ANK1: variants seen among roughly 807,000 people sequenced by gnomAD.
ANK1 encodes the protein ankyrin 1, also known as ankyrin-1.
In ANK1, 51 loss-of-function variants were observed where a neutral mutation model predicts 210.4. The observed-to-expected ratio is 0.24, with a 90% CI of 0.19 to 0.31. The LOEUF is 0.31. Ranked by LOEUF, ANK1 falls within the 10% of genes least tolerant of loss-of-function variation. ANK1 has a pLI of 1.00. For missense variants in ANK1, 2,051 were observed against 2,504.4 expected, an observed-to-expected ratio of 0.82 and a Z score of 3.86; for synonymous variants, 967 against 1,025.9, an observed-to-expected ratio of 0.94 and a Z score of 1.10.
chr8:41,688,077 C>A (rs1563423790), intron 35 of ANK1, 79 bp downstream of exon 35: 2 of 1,476,538 alleles, frequency 1.4e-6, no homozygotes. Context: ...GTTAGAAATG[C>A]CTCATTCATT....
intron 8 of ANK1, 124 bp downstream of exon 8, chr8:41,723,411 A>G: frequency 8.1e-7 from 1 of 1,227,330 alleles, no homozygotes; most frequent in Non-Finnish European, 1.2e-6. Flanking sequence ...ATACTGCTGC[A>G]GGCGGCTCCG....
At chr8:41,835,796 C>T (rs1807575567) in intron 1 of ANK1, among the ~76,000 whole-genome samples, 1 of 152,242 alleles carries the variant, frequency 6.6e-6, no homozygotes, top group Non-Finnish European at 1.5e-5. Flanking sequence ...AAGTGTGCTG[C>T]CTCCCAGCCT....
At chr8:41,786,428 C>T (rs1846415054) in intron 1 of ANK1, among the ~76,000 whole-genome samples, 1 of 152,312 alleles carries the variant, frequency 6.6e-6, no homozygotes, top group South Asian at 2.1e-4. Context: ...TAGATGCAAA[C>T]AAGTAAAGCA....
At position 41,764,242 on chromosome 8, in the gene ANK1, A is replaced by C. The variant is rs142605203; in HGVS notation, c.28-6105T>G. Among the ~76,000 whole-genome samples, 312 of 152,266 alleles carry C rather than the reference A, an allele frequency of 2.0e-3. 4 individuals carry two copies. The Middle Eastern group carries it at 0.024, about 12-fold the overall frequency. The stretch of plus-strand genomic sequence containing the variant: ...AGGGGCCAGGCAATATTTCAGCTAC[A>C]GAGCAAATGGCCCTTGTTGGGATAT... On this transcript the variant is annotated intron_variant, in intron 1 of 42. Coordinates refer to ENST00000289734, the MANE Select transcript of ANK1 (RefSeq NM_000037.4).
chr8:41,658,950 C>T (rs1356018288), intron 42 of ANK1, among the ~76,000 whole-genome samples: 2 of 151,942 alleles, frequency 1.3e-5, no homozygotes, highest in African/African-American at 2.4e-5. Flanking sequence ...GCTGTGAACA[C>T]GGAATTAGCA....
chr8:41,832,969 A>G (rs1395304046), intron 1 of ANK1, among the ~76,000 whole-genome samples: 1 of 152,164 alleles, frequency 6.6e-6, no homozygotes, highest in Non-Finnish European at 1.5e-5. Context: ...CTGTTAGCCA[A>G]ACTCTCAAGA....
chr8:41,723,523 G>A lies in ANK1; in HGVS notation c.810+12C>T, dbSNP rs1829842717. On this transcript the variant is annotated intron_variant, in intron 8 of 42. Coordinates refer to ENST00000289734, the MANE Select transcript of ANK1 (RefSeq NM_000037.4). Reference sequence around the variant, plus strand: ...CTCCCCCTGCCTGGCTACAGCACCTGCTGGCACCCACCTTGGTCTTGGTTT... The same window carrying A: ...CTCCCCCTGCCTGGCTACAGCACCTACTGGCACCCACCTTGGTCTTGGTTT... 1 of 1,613,696 alleles carries A rather than the reference G, an allele frequency of 6.2e-7. No individual in the cohort carries two copies. The highest frequency in any genetic ancestry group is 8.5e-7 in the Non-Finnish European group (1 of 1,179,826).
chr8:41,774,981 C>T (rs578133059), intron 1 of ANK1, among the ~76,000 whole-genome samples: 11 of 152,222 alleles, frequency 7.2e-5, no homozygotes, highest in African/African-American at 2.2e-4. Flanking sequence ...TGCTGGTATG[C>T]GAGGAGGAGG....
chr8:41,811,804 G>A (rs1349603098), intron 1 of ANK1, among the ~76,000 whole-genome samples: 1 of 152,218 alleles, frequency 6.6e-6, no homozygotes, highest in Admixed American at 6.5e-5. Context: ...CTCAGTACAT[G>A]TAGCTATTGT....
intron 1 of ANK1, among the ~76,000 whole-genome samples, chr8:41,760,910 A>G (rs1274303597): frequency 6.6e-6 from 1 of 152,150 alleles, no homozygotes; most frequent in Non-Finnish European, 1.5e-5. Flanking sequence ...TCCTAAAAAA[A>G]ACATGCTGCA....
chr8:41,765,432 A>G (rs1036093634), intron 1 of ANK1, among the ~76,000 whole-genome samples: 2 of 151,966 alleles, frequency 1.3e-5, no homozygotes, highest in Non-Finnish European at 2.9e-5. Context: ...TTTTTTGTAG[A>G]GATAAAGTCT....
At chr8:41,667,619 C>T (rs182734318) in intron 39 of ANK1, among the ~76,000 whole-genome samples, 7 of 152,164 alleles carry the variant, frequency 4.6e-5, no homozygotes, top group Admixed American at 3.3e-4. Flanking sequence ...GTTCAACAAA[C>T]TCGAAGGGAA....
intron 39 of ANK1, among the ~76,000 whole-genome samples, chr8:41,667,832 C>T (rs1563353849): frequency 6.6e-6 from 1 of 152,190 alleles, no homozygotes; most frequent in Non-Finnish European, 1.5e-5. Context: ...CCAGTGAGGA[C>T]CCTGAGGTGC....
At chr8:41,817,087 T>G (rs77969818) in intron 1 of ANK1, among the ~76,000 whole-genome samples, 2 of 152,078 alleles carry the variant, frequency 1.3e-5, no homozygotes, top group South Asian at 2.1e-4. Flanking sequence ...AGTTTCCAAA[T>G]AGTTTCTTTT....
At position 41,694,900 on chromosome 8, in the gene ANK1, C is replaced by T; in HGVS notation, c.3116-97G>A. The T allele has an allele frequency of 1.5e-6, 2 of 1,296,530 alleles. No individual in the cohort carries two copies. Among genetic ancestry groups the T allele is most frequent in the South Asian group, 1.2e-5 (1 of 81,962 alleles). 80.3% of individuals were successfully genotyped at this position (1,296,530 alleles called of 1,614,324 possible). A position where few individuals can be genotyped will look rare whatever the true frequency, so the allele number is the denominator to read the frequency against. On this transcript the variant is annotated intron_variant, in intron 27 of 42. Coordinates refer to ENST00000289734, the MANE Select transcript of ANK1 (RefSeq NM_000037.4). This position sits in a 1 kb window ranked among gnomAD's most constrained non-coding sequence, Gnocchi z 5.7. ...GTCTCCTTGTCCCCAAGACCCAGTG[C>T]ACACACCCTCCCCAGGTGCCGGGCG...
At position 41,721,656 on chromosome 8, in the gene ANK1, C is replaced by CA. The variant is rs55653901; in HGVS notation, c.909+1468dup. Among the ~76,000 whole-genome samples, 278 of 108,042 alleles carry CA rather than the reference C, an allele frequency of 2.6e-3. 5 individuals are homozygous for CA. The highest frequency in any genetic ancestry group is 5.2e-3 in the East Asian group (12 of 2,324). The allele number at this position is 108,042 out of a possible 152,430, so 70.9% of individuals were successfully genotyped here. A position where few individuals can be genotyped will look rare whatever the true frequency, so the allele number is the denominator to read the frequency against. On this transcript the variant is annotated intron_variant, in intron 9 of 42. Coordinates refer to ENST00000289734, the MANE Select transcript of ANK1 (RefSeq NM_000037.4). ...TGGGTGACTGAGTGAGACTTCATCTCAAAAAAAAAAAAAAAAAAAAAAAAA... is the reference window on the plus strand; with the variant it reads ...TGGGTGACTGAGTGAGACTTCATCTCAAAAAAAAAAAAAAAAAAAAAAAAAA...
intron 39 of ANK1, chr8:41,665,182 C>A: frequency 2.0e-6 from 3 of 1,533,272 alleles, no homozygotes; most frequent in Non-Finnish European, 2.6e-6. Flanking sequence ...CTCACTGTTT[C>A]TCTCTCTGTG....
At chr8:41,661,985 T>G (rs746550663) in intron 40 of ANK1, 44 bp from the exon 41 acceptor site, 152 of 1,605,480 alleles carry the variant, frequency 9.5e-5, no homozygotes, top group Non-Finnish European at 1.2e-4. Flanking sequence ...CAGGCCGGGC[T>G]CGGGGGCTCA....
Position 41,654,260 on chromosome 8 carries a change from A to C in ANK1, c.*1530T>G, listed in dbSNP as rs561281385. On this transcript the variant is annotated 3_prime_UTR_variant, in exon 43 of 43. Transcript: ENST00000289734. The stretch of plus-strand genomic sequence containing the variant: ...GAACTTAAGGCTCCTCCCTGATGGC[A>C]CCGAGGCGAGGAACTGCCAGCTGTC... The C allele has an allele frequency of 6.5e-6, 1 of 152,672 alleles. No homozygotes were observed. Among genetic ancestry groups the C allele is most frequent in the Non-Finnish European group, 1.5e-5 (1 of 68,094 alleles). 9.5% of individuals were successfully genotyped at this position (152,672 alleles called of 1,614,324 possible).
Sources: gnomAD v4.1 joint callset for allele counts (sites outside exome capture counted in the v4.1 genomes callset) on GRCh38, gnomAD v4.1.1 for gene constraint, Gnocchi (gnomAD v3.1) non-coding constraint, MANE v1.5 for transcripts, NCBI Gene and HGNC (gene_info 2026-07-23, HGNC 2026-07-21) for gene names.